The following KCNJ6 variants were observed in gnomAD, a reference collection of about 807,000 sequenced individuals.
KCNJ6 encodes the protein G protein-activated inward rectifier potassium channel 2.
A neutral mutation model predicts 34.2 loss-of-function variants in KCNJ6; 9 were observed. That is an observed-to-expected ratio of 0.26 (90% confidence interval 0.16 to 0.46). The LOEUF (loss-of-function observed/expected upper bound fraction) is 0.46. Ranked by LOEUF, KCNJ6 falls within the 20% of genes least tolerant of loss-of-function variation. The pLI, the probability that KCNJ6 is intolerant of heterozygous loss-of-function variation, is 1.00. For synonymous variants in KCNJ6, 196 were observed against 207.1 expected, an observed-to-expected ratio of 0.95 and a Z score of 0.46; for missense variants, 236 against 531.3, an observed-to-expected ratio of 0.44 and a Z score of 5.46.
At chr21:37,852,098 C>A in intron 1 of KCNJ6, among the ~76,000 whole-genome samples, 1 of 152,182 alleles carries the variant, frequency 6.6e-6, no homozygotes, top group East Asian at 1.9e-4. Flanking sequence ...AACAGCAATT[C>A]CACCTGGAAA....
chr21:37,745,715 C>G (rs757515030), intron 2 of KCNJ6, among the ~76,000 whole-genome samples: 5 of 152,194 alleles, frequency 3.3e-5, no homozygotes, highest in Non-Finnish European at 5.9e-5. Flanking sequence ...AATTTATACA[C>G]ACTGAACACC....
chr21:37,730,926 G>A, intron 2 of KCNJ6, among the ~76,000 whole-genome samples: 1 of 152,182 alleles, frequency 6.6e-6, no homozygotes, highest in East Asian at 1.9e-4. Context: ...CAGCCCACAG[G>A]GGGAGTATTG....
intron 1 of KCNJ6, among the ~76,000 whole-genome samples, chr21:37,845,898 T>G (rs879863979): frequency 6.6e-6 from 1 of 152,140 alleles, no homozygotes; most frequent in Non-Finnish European, 1.5e-5. Flanking sequence ...AGCTATGCTA[T>G]TTTGCTCTAG....
chr21:37,891,542 TA>T (rs1320793320), intron 1 of KCNJ6, among the ~76,000 whole-genome samples: 1 of 152,148 alleles, frequency 6.6e-6, no homozygotes. Flanking sequence ...TCTACAAAGT[TA>T]AAAAAATCCC....
chr21:37,639,617 C>A (rs1016109629), intron 3 of KCNJ6, among the ~76,000 whole-genome samples: 5 of 152,188 alleles, frequency 3.3e-5, no homozygotes, highest in Non-Finnish European at 5.9e-5. Flanking sequence ...AGAAAAGTCT[C>A]ATTCCCATCC....
intron 3 of KCNJ6, among the ~76,000 whole-genome samples, chr21:37,703,657 C>T (rs2054703617): frequency 6.6e-6 from 1 of 152,148 alleles, no homozygotes; most frequent in African/African-American, 2.4e-5. Flanking sequence ...ACATCTAACA[C>T]CCTCCGTGCC....
rs904639316 is a variant in KCNJ6, at chr21:37,619,951, A to C, written c.*5208T>G. ...TGCCACTCTGGAGGAATGGCATGAA[A>C]AGGAAGGATTCTTCCTTTGAGACCC... On this transcript the variant is annotated 3_prime_UTR_variant, in exon 4 of 4. Coordinates refer to ENST00000609713, the MANE Select transcript of KCNJ6 (RefSeq NM_002240.5). The C allele has an allele frequency of 3.2e-4, 49 of 152,186 alleles. No homozygotes were observed. The allele number at this position is 152,186 out of a possible 1,614,324, so 9.4% of individuals were successfully genotyped here. A position where few individuals can be genotyped will look rare whatever the true frequency, so the allele number is the denominator to read the frequency against.
At chr21:37,908,578 T>G (rs1253964405) in intron 1 of KCNJ6, among the ~76,000 whole-genome samples, 1 of 152,214 alleles carries the variant, frequency 6.6e-6, no homozygotes. Flanking sequence ...AGAACATTGC[T>G]TTTGAGCATG....
intron 2 of KCNJ6, among the ~76,000 whole-genome samples, chr21:37,775,246 ATTAGCCC>A (rs1176169362): frequency 1.3e-5 from 2 of 152,144 alleles, no homozygotes; most frequent in Non-Finnish European, 2.9e-5. Flanking sequence ...GATTCTGGAT[ATTAGCCC>A]TTTGTCAGGT....
At chr21:37,878,647 C>T (rs181978795) in intron 1 of KCNJ6, among the ~76,000 whole-genome samples, 7 of 152,342 alleles carry the variant, frequency 4.6e-5, no homozygotes, top group East Asian at 1.9e-4. Flanking sequence ...TCCAAGCATG[C>T]GCTTCTTTTT....
At chr21:37,838,058 T>C (rs2123575497) in intron 2 of KCNJ6, among the ~76,000 whole-genome samples, 1 of 152,360 alleles carries the variant, frequency 6.6e-6, no homozygotes, top group Admixed American at 6.5e-5. Flanking sequence ...ACTTTTAAAT[T>C]TCCTTATGCA....
chr21:37,841,953 G>T (rs116812110), intron 1 of KCNJ6, among the ~76,000 whole-genome samples: 1 of 152,152 alleles, frequency 6.6e-6, no homozygotes. Context: ...TGGTCAAAAA[G>T]TCTAAATACT....
chr21:37,872,915 T>G (rs575630839), intron 1 of KCNJ6, among the ~76,000 whole-genome samples: 1 of 152,294 alleles, frequency 6.6e-6, no homozygotes, highest in Admixed American at 6.5e-5. Context: ...TGTCACTCAT[T>G]CTCTCTCTTG....
chr21:37,688,343 C>G (rs1399165786), intron 3 of KCNJ6, among the ~76,000 whole-genome samples: 1 of 151,180 alleles, frequency 6.6e-6, no homozygotes, highest in Non-Finnish European at 1.5e-5. Flanking sequence ...CTCTTGAGTA[C>G]TAGAGATACA....
chr21:37,701,910 A>G (rs1264394852), intron 3 of KCNJ6, among the ~76,000 whole-genome samples: 2 of 152,074 alleles, frequency 1.3e-5, no homozygotes, highest in Non-Finnish European at 2.9e-5. Flanking sequence ...TAAGCAAGTG[A>G]GGTGATTTGC....
At chr21:37,866,094 G>A (rs2055621460) in intron 1 of KCNJ6, among the ~76,000 whole-genome samples, 1 of 152,212 alleles carries the variant, frequency 6.6e-6, no homozygotes, top group Admixed American at 6.5e-5. Context: ...CAGATAATCT[G>A]AGTGGGCCTG....
intron 3 of KCNJ6, among the ~76,000 whole-genome samples, chr21:37,647,973 A>T (rs898525361): frequency 6.6e-6 from 1 of 152,198 alleles, no homozygotes; most frequent in Non-Finnish European, 1.5e-5. Flanking sequence ...AGTTGGGACA[A>T]GCAGTCTGAG....
intron 2 of KCNJ6, among the ~76,000 whole-genome samples, chr21:37,814,025 AGAATATGTAAG>A (rs2055334747): frequency 6.6e-6 from 1 of 152,274 alleles, no homozygotes; most frequent in Non-Finnish European, 1.5e-5. Flanking sequence ...ATTAAAAACC[AGAATATGTAAG>A]GAGCTCAAAC....
intron 2 of KCNJ6, among the ~76,000 whole-genome samples, chr21:37,742,340 G>T (rs1569455194): frequency 6.6e-6 from 1 of 152,162 alleles, no homozygotes; most frequent in African/African-American, 2.4e-5. Context: ...TGGGCAGGTG[G>T]CTGCAGGCTG....
Sources: allele counts gnomAD v4.1 joint callset (sites outside exome capture counted in the v4.1 genomes callset), GRCh38; gene constraint gnomAD v4.1.1; transcripts MANE v1.5; gene names NCBI Gene and HGNC (gene_info 2026-07-23, HGNC 2026-07-21).